OSBPL1A: variants seen among roughly 807,000 people sequenced by gnomAD.
The protein encoded by OSBPL1A is oxysterol-binding protein-related protein 1.
A neutral mutation model predicts 137.1 loss-of-function variants in OSBPL1A; 80 were observed. That is an observed-to-expected ratio of 0.58 (90% CI 0.49 to 0.70). The LOEUF (loss-of-function observed/expected upper bound fraction) is 0.70, where lower values mean the gene tolerates loss of function less well. OSBPL1A is among the 30% of genes least tolerant of loss of function. The probability of loss-of-function intolerance (pLI) is 0.00; values close to 1 mark genes in which losing one functional copy is unlikely to be tolerated. For synonymous variants in OSBPL1A, 365 were observed against 389.7 expected (o/e 0.94, Z 0.75); for missense variants, 970 against 1,129.4 (o/e 0.86, Z 2.02).
chr18:24,245,092 T>C (rs868640823), intron 15 of OSBPL1A, among the ~76,000 whole-genome samples: 1 of 152,100 alleles, frequency 6.6e-6, no homozygotes, highest in Admixed American at 6.5e-5. Context: ...GACTGAAATA[T>C]TAGAATTTTT....
rs557635881 is a variant in OSBPL1A at position 24,192,329 on chromosome 18, G to A, written c.1677+3796C>T. Among the ~76,000 whole-genome samples, 8 of 152,170 alleles carry A rather than the reference G, an allele frequency of 5.3e-5. No homozygotes were observed. The East Asian group carries it at 1.2e-3, about 22-fold the overall frequency. On this transcript the variant is annotated intron_variant, in intron 18 of 27. Coordinates refer to ENST00000319481, the MANE Select transcript of OSBPL1A (RefSeq NM_080597.4). The stretch of plus-strand genomic sequence containing the variant: ...GGTACACACAGGACATGAGGCTTTC[G>A]GATTAAAGAGTCCTGTGACAAAGGG...
At chr18:24,355,395 G>C (rs2091516035) in intron 4 of OSBPL1A, among the ~76,000 whole-genome samples, 1 of 151,340 alleles carries the variant, frequency 6.6e-6, no homozygotes, top group Non-Finnish European at 1.5e-5. Context: ...CCAGCTACTT[G>C]GGAGGGTGAG....
intron 4 of OSBPL1A, among the ~76,000 whole-genome samples, chr18:24,351,096 C>T (rs1227185774): frequency 1.3e-5 from 2 of 151,870 alleles, no homozygotes; most frequent in South Asian, 4.2e-4. Flanking sequence ...ACTTGTAATC[C>T]CAGCACTTTG....
intron 14 of OSBPL1A, among the ~76,000 whole-genome samples, chr18:24,297,902 A>G (rs1253108841): frequency 6.6e-6 from 1 of 152,212 alleles, no homozygotes; most frequent in East Asian, 1.9e-4. Context: ...TGTGAACCAG[A>G]GCAACTCCAT....
At chr18:24,224,020 C>A (rs2087980982) in intron 17 of OSBPL1A, among the ~76,000 whole-genome samples, 1 of 152,202 alleles carries the variant, frequency 6.6e-6, no homozygotes, top group Non-Finnish European at 1.5e-5. Context: ...AAGACACTCA[C>A]TGCTGGACAC....
chr18:24,338,940 G>C (rs928567020), intron 5 of OSBPL1A, among the ~76,000 whole-genome samples: 7 of 151,878 alleles, frequency 4.6e-5, no homozygotes, highest in African/African-American at 1.7e-4. Flanking sequence ...TCTTGAACTT[G>C]TGACCTCGTG....
intron 15 of OSBPL1A, among the ~76,000 whole-genome samples, chr18:24,273,229 A>G (rs554446783): frequency 6.6e-6 from 1 of 152,178 alleles, no homozygotes; most frequent in Non-Finnish European, 1.5e-5. Context: ...TTGAAAAGTC[A>G]GTTCATTTCT....
chr18:24,373,772 A>G (rs1905860086), intron 2 of OSBPL1A, among the ~76,000 whole-genome samples: 1 of 152,194 alleles, frequency 6.6e-6, no homozygotes, highest in Admixed American at 6.6e-5. Flanking sequence ...AATGCCGGGA[A>G]GGAACCCCCC....
Position 24,239,326 on chromosome 18 carries a change from T to C in OSBPL1A, c.1338A>G (p.Ala446=), listed in dbSNP as rs202028615. 2.5e-5 allele frequency: 40 copies of C among 1,613,988 alleles called. No individual in the cohort carries two copies. The highest frequency in any genetic ancestry group is 3.4e-5 in the Non-Finnish European group (40 of 1,180,002). ...EQEKNKILSE[A]LETLATEHHE... ...GATGTTCAGTGGCCAGCGTCTCCAGTGCTTCTGACAAGATTTTGTTTTTTT... is the reference window on the plus strand; with the variant it reads ...GATGTTCAGTGGCCAGCGTCTCCAGCGCTTCTGACAAGATTTTGTTTTTTT... The change falls in exon 16 of 28, where the codon GCA becomes GCG. Residue 446 remains alanine, a synonymous_variant. Coordinates refer to ENST00000319481, the MANE Select transcript of OSBPL1A (RefSeq NM_080597.4).
chr18:24,338,287 A>G (rs558362965), intron 5 of OSBPL1A, among the ~76,000 whole-genome samples: 156 of 149,538 alleles, frequency 1.0e-3, no homozygotes, highest in African/African-American at 3.6e-3. Flanking sequence ...TCACCGTGTT[A>G]GCCAGGATGG....
chr18:24,278,455 C>T (rs1292506277), intron 15 of OSBPL1A, among the ~76,000 whole-genome samples: 1 of 152,140 alleles, frequency 6.6e-6, no homozygotes, highest in African/African-American at 2.4e-5. Flanking sequence ...AAGTATTTTG[C>T]TTACATTATC....
rs78077507 is a variant in OSBPL1A, at chr18:24,267,534, T to C, written c.1281+13308A>G. ...ATACATACTAAAATAGATACTAAAA[T>C]CCAAAGGAAACCAAATTGAGAACAA... On this transcript the variant is annotated intron_variant, in intron 15 of 27. Coordinates refer to ENST00000319481, the MANE Select transcript of OSBPL1A (RefSeq NM_080597.4). Among the ~76,000 whole-genome samples the C allele has an allele frequency of 9.1e-3, 1,381 of 152,030 alleles. 19 individuals carry two copies. Among genetic ancestry groups the C allele is most frequent in the East Asian group, 0.049 (255 of 5,180 alleles).
intron 4 of OSBPL1A, among the ~76,000 whole-genome samples, chr18:24,355,920 G>T (rs796855530): frequency 4.0e-5 from 6 of 151,336 alleles, no homozygotes; most frequent in African/African-American, 1.5e-4. Context: ...GGGACACAGA[G>T]GTTGCAGTGA....
At chr18:24,358,127 ACTCAGGTGTGT>A in intron 4 of OSBPL1A, 1 of 335,612 alleles carries the variant, frequency 3.0e-6, no homozygotes, top group Non-Finnish European at 5.4e-6. Context: ...ACGATGAGAA[ACTCAGGTGTGT>A]CCTGGTATTC....
At chr18:24,304,595 T>G (rs2090465743) in intron 13 of OSBPL1A, among the ~76,000 whole-genome samples, 1 of 152,176 alleles carries the variant, frequency 6.6e-6, no homozygotes, top group Non-Finnish European at 1.5e-5. Context: ...TTCTTTTAGG[T>G]AGAGTAATAT....
chr18:24,167,509 A>C, intron 24 of OSBPL1A, 64 bp from the exon 25 acceptor site: 1 of 1,306,360 alleles, frequency 7.7e-7, no homozygotes, highest in East Asian at 2.3e-5. Flanking sequence ...CAAGCACCAC[A>C]TAATGACATT....
At chr18:24,186,671 C>G (rs1286546871) in intron 18 of OSBPL1A, among the ~76,000 whole-genome samples, 6 of 151,968 alleles carry the variant, frequency 3.9e-5, no homozygotes, top group Admixed American at 3.3e-4. Flanking sequence ...TTTGGGAAGA[C>G]AAGGTGGGTG....
chr18:24,383,113 C>T (rs918021282), intron 1 of OSBPL1A, among the ~76,000 whole-genome samples: 6 of 150,418 alleles, frequency 4.0e-5, no homozygotes, highest in Non-Finnish European at 7.4e-5. Flanking sequence ...TTCCAAATTT[C>T]CTACACTATA....
chr18:24,220,136 A>G (rs1599513719), intron 17 of OSBPL1A, among the ~76,000 whole-genome samples: 1 of 152,166 alleles, frequency 6.6e-6, no homozygotes, highest in Non-Finnish European at 1.5e-5. Flanking sequence ...CAGGTGTCCA[A>G]TCTCCACTGG....
Sources: allele counts gnomAD v4.1 joint callset (sites outside exome capture counted in the v4.1 genomes callset), GRCh38; gene constraint gnomAD v4.1.1; transcripts MANE v1.5; gene names NCBI Gene and HGNC (gene_info 2026-07-23, HGNC 2026-07-21).